The following SHTN1 variants were observed in gnomAD, a reference collection of about 807,000 sequenced individuals.
SHTN1 encodes the protein shootin-1.
Under a neutral mutation model 83.1 loss-of-function variants are expected in SHTN1, and 42 were observed. The ratio of observed to expected loss-of-function variants is 0.51; its 90% CI spans 0.39 to 0.65. The LOEUF is 0.65. SHTN1 is among the 30% of genes least tolerant of loss of function. The pLI is 0.00. For synonymous variants in SHTN1, 224 were observed against 247.7 expected, an observed-to-expected ratio of 0.90 and a Z score of 0.90; for missense variants, 622 against 737.8, an observed-to-expected ratio of 0.84 and a Z score of 1.82.
intron 1 of SHTN1, among the ~76,000 whole-genome samples, chr10:117,072,109 A>T (rs763905325): frequency 6.6e-6 from 1 of 152,152 alleles, no homozygotes; most frequent in South Asian, 2.1e-4. Context: ...ATGAAGAAAA[A>T]TTTAGTTCAA....
intron 2 of SHTN1, among the ~76,000 whole-genome samples, chr10:117,019,987 G>A (rs975577438): frequency 1.3e-5 from 2 of 152,144 alleles, no homozygotes; most frequent in African/African-American, 2.4e-5. Context: ...CAGACGTGAT[G>A]TAATTTCAAT....
intron 4 of SHTN1, among the ~76,000 whole-genome samples, chr10:116,957,936 T>G (rs927239318): frequency 6.6e-6 from 1 of 152,126 alleles, no homozygotes; most frequent in African/African-American, 2.4e-5. Flanking sequence ...GGCACATGCC[T>G]GTAATCCCAG....
chr10:117,006,898 T>C (rs1852024579), upstream of SHTN1, among the ~76,000 whole-genome samples: 1 of 151,942 alleles, frequency 6.6e-6, no homozygotes, highest in Admixed American at 6.6e-5. Flanking sequence ...CACTACATGC[T>C]AACTAAAATT....
intron 2 of SHTN1, among the ~76,000 whole-genome samples, chr10:117,022,126 T>G (rs1411472966): frequency 6.6e-6 from 1 of 152,136 alleles, no homozygotes; most frequent in African/African-American, 2.4e-5. Context: ...TGACTATATC[T>G]CTATATATAG....
At chr10:117,097,064 A>ACACAC (rs1853514553) in intron 1 of SHTN1, among the ~76,000 whole-genome samples, 4 of 110,454 alleles carry the variant, frequency 3.6e-5, no homozygotes, top group Non-Finnish European at 8.1e-5. Flanking sequence ...CACACACACA[A>ACACAC]AGGAAAAAGG....
chr10:117,061,746 C>T (rs1589916090), intron 1 of SHTN1, among the ~76,000 whole-genome samples: 1 of 152,190 alleles, frequency 6.6e-6, no homozygotes, highest in African/African-American at 2.4e-5. Flanking sequence ...GCTGGGATTA[C>T]AGACATGAGC....
intron 6 of SHTN1, among the ~76,000 whole-genome samples, chr10:116,950,338 T>A (rs1849730730): frequency 6.6e-6 from 1 of 152,092 alleles, no homozygotes; most frequent in East Asian, 1.9e-4. Context: ...CTAATATTTT[T>A]AAAAATTTTT....
chr10:117,079,028 T>TA (rs1176007967), intron 1 of SHTN1, among the ~76,000 whole-genome samples: 3 of 151,510 alleles, frequency 2.0e-5, no homozygotes, highest in South Asian at 2.1e-4. Context: ...TGTGAATTTT[T>TA]TTTATTTTTA....
intron 2 of SHTN1, among the ~76,000 whole-genome samples, chr10:117,029,576 G>A (rs1488714084): frequency 2.6e-5 from 4 of 152,116 alleles, no homozygotes; most frequent in Non-Finnish European, 5.9e-5. Context: ...GAATCATGGG[G>A]GCAGTTTCTC....
At chr10:117,037,959 C>T (rs1478203806) in intron 2 of SHTN1, among the ~76,000 whole-genome samples, 2 of 125,672 alleles carry the variant, frequency 1.6e-5, no homozygotes, top group Non-Finnish European at 3.2e-5. Context: ...GAGCCGAGAT[C>T]ATGCCACTGC....
At chr10:117,066,610 A>G (rs1199590768) in intron 1 of SHTN1, among the ~76,000 whole-genome samples, 1 of 152,208 alleles carries the variant, frequency 6.6e-6, no homozygotes, top group Non-Finnish European at 1.5e-5. Flanking sequence ...CAAACTAACA[A>G]TCTTTACCCT....
intron 1 of SHTN1, among the ~76,000 whole-genome samples, chr10:117,112,691 A>T (rs1853785587): frequency 1.3e-5 from 2 of 152,188 alleles, no homozygotes; most frequent in South Asian, 4.1e-4. Context: ...TCCAGCCTAG[A>T]CGTATTTCCA....
intron 1 of SHTN1, among the ~76,000 whole-genome samples, chr10:116,984,684 T>A: frequency 6.6e-6 from 1 of 152,212 alleles, no homozygotes; most frequent in East Asian, 1.9e-4. Context: ...TCTCTGCCCT[T>A]AGACCCTCAA....
chr10:116,984,123 G>A (rs1851144242), intron 1 of SHTN1, among the ~76,000 whole-genome samples: 1 of 152,074 alleles, frequency 6.6e-6, no homozygotes. Context: ...TGAAAGTTCA[G>A]CATCCTAGGA....
intron 1 of SHTN1, among the ~76,000 whole-genome samples, chr10:116,999,661 T>A (rs769711770): frequency 2.3e-4 from 35 of 152,230 alleles, no homozygotes; most frequent in Non-Finnish European, 4.3e-4. Flanking sequence ...ACGCCTGTAA[T>A]CCCAGCACTT....
intron 1 of SHTN1, among the ~76,000 whole-genome samples, chr10:117,101,234 A>G (rs1589932774): frequency 6.6e-6 from 1 of 152,206 alleles, no homozygotes; most frequent in African/African-American, 2.4e-5. Context: ...AACACCTTAT[A>G]TAACATTGTA....
At chr10:116,939,296 T>C (rs1210111830) in intron 9 of SHTN1, among the ~76,000 whole-genome samples, 1 of 152,136 alleles carries the variant, frequency 6.6e-6, no homozygotes, top group Non-Finnish European at 1.5e-5. Flanking sequence ...CCTGGTGGTG[T>C]AGGCACCCAA....
intron 1 of SHTN1, among the ~76,000 whole-genome samples, chr10:117,065,030 A>G (rs1295853282): frequency 2.1e-4 from 32 of 152,216 alleles, no homozygotes; most frequent in Non-Finnish European, 1.5e-5. Flanking sequence ...GGTGGACTAC[A>G]TCATTCTCAG....
At chr10:117,101,948 T>TA (rs944986664) in intron 1 of SHTN1, among the ~76,000 whole-genome samples, 7 of 149,602 alleles carry the variant, frequency 4.7e-5, no homozygotes, top group Admixed American at 1.3e-4. Flanking sequence ...CAATTATTTT[T>TA]AAAAAAATTA....
Sources: allele counts gnomAD v4.1 joint callset (sites outside exome capture counted in the v4.1 genomes callset), GRCh38; gene constraint gnomAD v4.1.1; transcripts MANE v1.5; gene names NCBI Gene and HGNC (gene_info 2026-07-23, HGNC 2026-07-21).